The following CAMK2G variants were observed in gnomAD, a reference collection of about 807,000 sequenced individuals.
CAMK2G encodes calcium/calmodulin dependent protein kinase II gamma.
CAMK2G carries 23 observed loss-of-function variants against 88.7 expected under a neutral mutation model. The observed-to-expected ratio is 0.26, with a 90% CI of 0.19 to 0.37. The LOEUF is 0.37. Ranked by LOEUF, CAMK2G falls within the 10% of genes least tolerant of loss-of-function variation. The pLI is 1.00. For synonymous variants in CAMK2G, 263 were observed against 294.8 expected (o/e 0.89, Z 1.11); for missense variants, 476 against 780.8 (o/e 0.61, Z 4.65).
At position 73,839,328 on chromosome 10, in the gene CAMK2G, G is replaced by T. The variant is rs1469507595; in HGVS notation, c.1009+211C>A. Among the ~76,000 whole-genome samples the T allele has an allele frequency of 6.6e-6, 1 of 152,238 alleles. No individual in the cohort carries two copies. The highest frequency in any genetic ancestry group is 6.5e-5 in the Admixed American group (1 of 15,284). On this transcript the variant is annotated intron_variant, in intron 13 of 22. Transcript: ENST00000423381. The surrounding 1 kb of genome is among the most constrained non-coding windows in gnomAD (Gnocchi z 4.2). ...GCCCCCAGGCTACTGCCCCCTGAAA[G>T]TTGGCAAGCGCCCAGCATGCATGGC...
Position 73,874,511 on chromosome 10 carries a change from A to G in CAMK2G, c.-50T>C. The G allele has an allele frequency of 7.5e-7, 1 of 1,326,798 alleles. No homozygotes were observed. The allele number at this position is 1,326,798 out of a possible 1,614,324, so 82.2% of individuals were successfully genotyped here. ...GTGCAGCCCGCGCCGACGTCGGTGC[A>G]CAGTCACCGCCGCCCGGCCGAGGGA... On this transcript the variant is annotated 5_prime_UTR_variant, in exon 1 of 23. Coordinates refer to ENST00000423381, the MANE Select transcript of CAMK2G (RefSeq NM_001367534.1).
In CAMK2G at chr10:73,842,094, T is replaced by A; in HGVS notation, c.946+75A>T. ...CCAGGACGCCGAGGAAACCCAGCGGTGCCCGGGATGGCAACAGCCCATTCC... is the reference window on the plus strand; with the variant it reads ...CCAGGACGCCGAGGAAACCCAGCGGAGCCCGGGATGGCAACAGCCCATTCC... On this transcript the variant is annotated intron_variant, in intron 12 of 22. Coordinates refer to ENST00000423381, the MANE Select transcript of CAMK2G (RefSeq NM_001367534.1). The surrounding 1 kb of genome is among the most constrained non-coding windows in gnomAD (Gnocchi z 4.6). 1 of 1,205,866 alleles carries A rather than the reference T, an allele frequency of 8.3e-7. No individual in the cohort carries two copies. Among genetic ancestry groups the A allele is most frequent in the Non-Finnish European group, 1.2e-6 (1 of 807,590 alleles). The allele number at this position is 1,205,866 out of a possible 1,614,324, so 74.7% of individuals were successfully genotyped here.
At chr10:73,855,651 A>T (rs892989720) in intron 3 of CAMK2G, among the ~76,000 whole-genome samples, 1 of 152,226 alleles carries the variant, frequency 6.6e-6, no homozygotes, top group Non-Finnish European at 1.5e-5. Context: ...GCCCTTCTCC[A>T]GGAAGGCCAC....
chr10:73,865,525 G>A (rs1017888435), intron 2 of CAMK2G, among the ~76,000 whole-genome samples: 2 of 152,200 alleles, frequency 1.3e-5, no homozygotes, highest in African/African-American at 4.8e-5. Context: ...TTCCTGTCCT[G>A]TAGTCACATC....
intron 21 of CAMK2G, 152 bp downstream of exon 21, chr10:73,816,871 G>C: frequency 6.2e-7 from 1 of 1,602,872 alleles, no homozygotes; most frequent in African/African-American, 1.3e-5. Context: ...TACAACCATC[G>C]GGGCACAAGG....
At chr10:73,820,464 T>TTATATATATATATATATATATA (rs71483976) in intron 18 of CAMK2G, among the ~76,000 whole-genome samples, 1 of 74,086 alleles carries the variant, frequency 1.3e-5, no homozygotes, top group African/African-American at 7.0e-5. Flanking sequence ...GGTTTTATAT[T>TTATATATATATATATATATATA]TATATATATA....
chr10:73,873,359 G>A (rs2095910197), intron 1 of CAMK2G: 1 of 1,320,844 alleles, frequency 7.6e-7, no homozygotes, highest in Non-Finnish European at 9.7e-7. Flanking sequence ...CTGCACATCA[G>A]GAGCGGGTGG....
chr10:73,858,364 A>G (rs1167916705), intron 3 of CAMK2G, among the ~76,000 whole-genome samples: 1 of 152,212 alleles, frequency 6.6e-6, no homozygotes, highest in African/African-American at 2.4e-5. Context: ...AGCGCAGTGG[A>G]GAGAGAAGAG....
chr10:73,848,193 G>A lies in CAMK2G; in HGVS notation c.602-111C>T. 1.4e-6 allele frequency: 1 copy of A among 713,964 alleles called. No individual in the cohort carries two copies. The highest frequency in any genetic ancestry group is 2.5e-6 in the Non-Finnish European group (1 of 396,564). 44.2% of individuals were successfully genotyped at this position (713,964 alleles called of 1,614,324 possible). ...CTAGAAAGGCAGGGGCCATACCAGA[G>A]TCAGAAGTGGATGCCAGCCGATAAT... On this transcript the variant is annotated intron_variant, in intron 8 of 22. Coordinates refer to ENST00000423381, the MANE Select transcript of CAMK2G (RefSeq NM_001367534.1). This position sits in a 1 kb window ranked among gnomAD's most constrained non-coding sequence, Gnocchi z 4.5.
At chr10:73,871,206 T>C (rs1321466328) in intron 2 of CAMK2G, among the ~76,000 whole-genome samples, 2 of 150,180 alleles carry the variant, frequency 1.3e-5, no homozygotes, top group Non-Finnish European at 3.0e-5. Context: ...TCTCATCCAG[T>C]TTGGCCAGGG....
chr10:73,835,954 A>G lies in CAMK2G; in HGVS notation c.1053+1514T>C, dbSNP rs370809555. The stretch of plus-strand genomic sequence containing the variant: ...GGTTCAAGCCATTCTCCTGCCTCAG[A>G]CTCCCGAGTGGCTGGGATTACAGGC... On this transcript the variant is annotated intron_variant, in intron 14 of 22. Coordinates refer to ENST00000423381, the MANE Select transcript of CAMK2G (RefSeq NM_001367534.1). 4.0e-5 allele frequency among the ~76,000 whole-genome samples: 6 copies of G among 151,520 alleles called. No homozygotes were observed. In the East Asian group the frequency reaches 1.2e-3, roughly 30 times the overall value.
At chr10:73,865,808 G>C (rs1305847564) in intron 2 of CAMK2G, among the ~76,000 whole-genome samples, 2 of 152,116 alleles carry the variant, frequency 1.3e-5, no homozygotes, top group African/African-American at 2.4e-5. Flanking sequence ...GAGAGGCTCA[G>C]ACCTTCCAAG....
rs750761017 is a variant in CAMK2G at position 73,874,499 on chromosome 10, C to T, written c.-38G>A. On this transcript the variant is annotated 5_prime_UTR_variant, in exon 1 of 23. Coordinates refer to ENST00000423381, the MANE Select transcript of CAMK2G (RefSeq NM_001367534.1). The stretch of plus-strand genomic sequence containing the variant: ...GCGGACGCGGCGGTGCAGCCCGCGC[C>T]GACGTCGGTGCACAGTCACCGCCGC... 1.4e-6 allele frequency: 2 copies of T among 1,431,598 alleles called. No individual in the cohort carries two copies. Among genetic ancestry groups the T allele is most frequent in the East Asian group, 2.8e-5 (1 of 35,474 alleles). 88.7% of individuals were successfully genotyped at this position (1,431,598 alleles called of 1,614,324 possible).
intron 14 of CAMK2G, among the ~76,000 whole-genome samples, chr10:73,830,188 C>T (rs71471645): frequency 1.3e-5 from 2 of 152,318 alleles, no homozygotes; most frequent in South Asian, 4.1e-4. Context: ...TTTCAATTTC[C>T]TTCTCCATTC....
chr10:73,860,927 T>C, intron 2 of CAMK2G, 38 bp from the exon 3 acceptor site: 1 of 1,457,864 alleles, frequency 6.9e-7, no homozygotes, highest in Non-Finnish European at 9.6e-7. Context: ...CCATCAACCA[T>C]CCATTCTCCT....
chr10:73,871,633 C>A (rs1042684778), intron 2 of CAMK2G, among the ~76,000 whole-genome samples: 74 of 152,158 alleles, frequency 4.9e-4, no homozygotes, highest in Admixed American at 4.8e-3. Context: ...CCCCCACCCC[C>A]ACTCCAGGGT....
At chr10:73,871,505 T>C (rs1249674583) in intron 2 of CAMK2G, among the ~76,000 whole-genome samples, 1 of 152,174 alleles carries the variant, frequency 6.6e-6, no homozygotes, top group East Asian at 1.9e-4. Flanking sequence ...CTGTTTCTGA[T>C]GCACCAGGGC....
intron 1 of CAMK2G, among the ~76,000 whole-genome samples, chr10:73,874,001 G>A (rs2095972932): frequency 6.6e-6 from 1 of 151,142 alleles, no homozygotes; most frequent in African/African-American, 2.4e-5. Context: ...CAGAGCTAGG[G>A]CTGCAGGGCT....
chr10:73,852,145 T>C, intron 5 of CAMK2G, 109 bp downstream of exon 5: 1 of 807,140 alleles, frequency 1.2e-6, no homozygotes, highest in East Asian at 2.4e-5. Context: ...ATTCTGATCT[T>C]CCCCAAAGAC....
Sources: gnomAD v4.1 joint callset for allele counts (sites outside exome capture counted in the v4.1 genomes callset) on GRCh38, gnomAD v4.1.1 for gene constraint, Gnocchi (gnomAD v3.1) non-coding constraint, MANE v1.5 for transcripts, NCBI Gene and HGNC (gene_info 2026-07-23, HGNC 2026-07-21) for gene names.